Variants in FIRRM observed in about 807,000 individuals in gnomAD.
FIRRM encodes FIGNL1-interacting regulator of recombination and mitosis.
the FIRRM span, chr1:169,837,139 A>T: frequency 6.5e-7 from 1 of 1,550,082 alleles, no homozygotes. Context: ...GATTTATTTT[A>T]TTCATTCAGC....
chr1:169,811,104 C>A, the FIRRM span, among the ~76,000 whole-genome samples: 6 of 151,776 alleles, frequency 4.0e-5, no homozygotes, highest in African/African-American at 1.5e-4. Context: ...TCATGATCCA[C>A]CCGCCTCGGC....
chr1:169,827,046 C>G, the FIRRM span: 11 of 1,608,916 alleles, frequency 6.8e-6, no homozygotes, highest in African/African-American at 1.3e-5. Flanking sequence ...TCTCTCCCTT[C>G]CCAGCAAGTT....
At chr1:169,832,812 T>TA in the FIRRM span, among the ~76,000 whole-genome samples, 1 of 152,066 alleles carries the variant, frequency 6.6e-6, no homozygotes, top group Admixed American at 6.6e-5. Flanking sequence ...CTCACTATGT[T>TA]GCCTAGGCTG....
chr1:169,817,771 T>C, the FIRRM span, among the ~76,000 whole-genome samples: 1 of 152,164 alleles, frequency 6.6e-6, no homozygotes, highest in Non-Finnish European at 1.5e-5. Flanking sequence ...CAGTATAAAA[T>C]CTAATTTTAA....
the FIRRM span, among the ~76,000 whole-genome samples, chr1:169,840,647 A>C: frequency 1.7e-4 from 25 of 151,442 alleles, no homozygotes; most frequent in Non-Finnish European, 2.9e-4. Context: ...AGTAGCTGGG[A>C]CTACAGGTGC....
the FIRRM span, among the ~76,000 whole-genome samples, chr1:169,797,988 A>T: frequency 2.6e-5 from 4 of 152,264 alleles, no homozygotes; most frequent in African/African-American, 9.6e-5. Flanking sequence ...CTATGTGCAG[A>T]AGAATTTCAG....
At chr1:169,845,949 G>A in the FIRRM span, among the ~76,000 whole-genome samples, 15 of 152,142 alleles carry the variant, frequency 9.9e-5, no homozygotes, top group Non-Finnish European at 2.2e-4. Context: ...CTTTGTCCAG[G>A]TTCATCAGAG....
chr1:169,790,603 A>T, the FIRRM span, among the ~76,000 whole-genome samples: 1 of 152,098 alleles, frequency 6.6e-6, no homozygotes, highest in South Asian at 2.1e-4. Context: ...CTGAGCCCCT[A>T]GTTAGAGGCT....
At chr1:169,843,533 G>C in the FIRRM span, 16 of 601,994 alleles carry the variant, frequency 2.7e-5, no homozygotes, top group Non-Finnish European at 4.1e-5. Context: ...TCATAGAGCT[G>C]TTTTGTAAGG....
the FIRRM span, among the ~76,000 whole-genome samples, chr1:169,839,275 G>A: frequency 4.6e-5 from 7 of 152,178 alleles, no homozygotes; most frequent in East Asian, 7.7e-4. Context: ...GTTTTCTTTC[G>A]GATATGTACC....
chr1:169,794,059 T>C, the FIRRM span, among the ~76,000 whole-genome samples: 1 of 151,750 alleles, frequency 6.6e-6, no homozygotes, highest in African/African-American at 2.4e-5. Context: ...GATAAGAGAT[T>C]TGGACACTCA....
chr1:169,850,751 A>G, the FIRRM span: 130,363 of 164,046 alleles, frequency 0.79, 52,720 homozygotes, highest in African/African-American at 0.95. Context: ...AGCCAAGATC[A>G]TGCCACTGCA....
At chr1:169,821,760 G>A in the FIRRM span, 3 of 1,586,086 alleles carry the variant, frequency 1.9e-6, no homozygotes, top group Non-Finnish European at 2.6e-6. Flanking sequence ...CTACGCTAAG[G>A]TAAGGCTTTA....
At chr1:169,821,811 G>T in the FIRRM span, 4 of 1,226,338 alleles carry the variant, frequency 3.3e-6, no homozygotes, top group African/African-American at 4.5e-5. Flanking sequence ...CTCAGAAAAC[G>T]AATTATTATC....
chr1:169,795,346 C>T, the FIRRM span: 11 of 1,404,600 alleles, frequency 7.8e-6, no homozygotes, highest in South Asian at 1.5e-5. Context: ...TTTTCTTTGT[C>T]AGTGAGTGGG....
the FIRRM span, chr1:169,803,121 A>C: frequency 3.8e-6 from 6 of 1,560,906 alleles, no homozygotes; most frequent in Non-Finnish European, 5.3e-6. Flanking sequence ...ATACCTTTTC[A>C]GTGCACAAAA....
chr1:169,821,737 A>G, the FIRRM span: 6 of 1,610,206 alleles, frequency 3.7e-6, no homozygotes, highest in South Asian at 1.1e-5. Context: ...TTTTTTGCCA[A>G]CTCCCTTTTG....
chr1:169,817,848 T>C, the FIRRM span, among the ~76,000 whole-genome samples: 3 of 152,150 alleles, frequency 2.0e-5, no homozygotes, highest in Admixed American at 6.5e-5. Context: ...TGTTAAAGAG[T>C]AGATTATTGC....
chr1:169,803,456 AT>A, the FIRRM span: 2 of 898,518 alleles, frequency 2.2e-6, no homozygotes, highest in East Asian at 6.0e-5. Flanking sequence ...TAAGTAAATA[AT>A]TGTTGCAAAA....
Sources: allele counts gnomAD v4.1 joint callset (sites outside exome capture counted in the v4.1 genomes callset), GRCh38; gene constraint gnomAD v4.1.1; transcripts MANE v1.5; gene names NCBI Gene and HGNC (gene_info 2026-07-23, HGNC 2026-07-21).